AP3S2: variants seen among roughly 807,000 people sequenced by gnomAD.
AP3S2 encodes adaptor related protein complex 3 subunit sigma 2.
Under a neutral mutation model 23.4 loss-of-function variants are expected in AP3S2, and 22 were observed. That is an observed-to-expected ratio of 0.94 (90% CI 0.67 to 1.34). AP3S2 has a LOEUF of 1.34. AP3S2 is among the 40% of genes most tolerant of loss of function. The probability of loss-of-function intolerance (pLI) is 0.00; values close to 1 mark genes in which losing one functional copy is unlikely to be tolerated. For synonymous variants in AP3S2, 86 were observed against 87.1 expected (o/e 0.99, Z 0.07); for missense variants, 241 against 236.9 (o/e 1.02, Z -0.11).
chr15:89,854,364 T>G, intron 4 of AP3S2, among the ~76,000 whole-genome samples: 1 of 29,032 alleles, frequency 3.4e-5, no homozygotes, highest in African/African-American at 1.3e-4. Context: ...GCCCCCCGCC[T>G]GGCCAGCCGC....
At chr15:89,869,286 C>G (rs1896255137) in intron 4 of AP3S2, among the ~76,000 whole-genome samples, 1 of 145,976 alleles carries the variant, frequency 6.9e-6, no homozygotes, top group African/African-American at 2.6e-5. Context: ...ACCCTGTGCT[C>G]TCTGAAACAT....
At chr15:89,892,305 C>G (rs1896838175) in intron 1 of AP3S2, among the ~76,000 whole-genome samples, 1 of 152,092 alleles carries the variant, frequency 6.6e-6, no homozygotes, top group African/African-American at 2.4e-5. Context: ...TGAAAATGAT[C>G]TAAAATTGAT....
chr15:89,849,578 A>G (rs1179205471), intron 4 of AP3S2, among the ~76,000 whole-genome samples: 1 of 152,122 alleles, frequency 6.6e-6, no homozygotes, highest in African/African-American at 2.4e-5. Context: ...TATGTTAGCC[A>G]GGATGGTCTC....
At chr15:89,859,482 T>C (rs1425489756) in intron 4 of AP3S2, among the ~76,000 whole-genome samples, 9 of 137,724 alleles carry the variant, frequency 6.5e-5, no homozygotes, top group African/African-American at 2.1e-4. Flanking sequence ...CAACCTACAC[T>C]TCCCAGGTTC....
At chr15:89,854,091 G>A (rs1422097922) in intron 4 of AP3S2, among the ~76,000 whole-genome samples, 5 of 47,060 alleles carry the variant, frequency 1.1e-4, no homozygotes, top group African/African-American at 3.2e-4. Context: ...CCCCCCGCCC[G>A]GCCAGCCGTG....
chr15:89,875,046 TA>T (rs1596213703), intron 3 of AP3S2, among the ~76,000 whole-genome samples: 1 of 151,978 alleles, frequency 6.6e-6, no homozygotes, highest in Non-Finnish European at 1.5e-5. Context: ...AAAAATAAAT[TA>T]AAAAAGCAAC....
rs541001343 is a variant in AP3S2, at chr15:89,839,848, C to CTT, written c.346-2128_346-2127dup. 1.3e-3 allele frequency among the ~76,000 whole-genome samples: 185 copies of CTT among 144,956 alleles called. 1 individual carries two copies. The highest frequency in any genetic ancestry group is 4.4e-3 in the African/African-American group (176 of 39,754). ...TTCAGCCTTAAAAAGGAAAAGAATT[C>CTT]TTTTTTTTTTTTTCATCTGAATTGA... is the stretch of plus-strand genomic sequence containing the variant. On this transcript the variant is annotated intron_variant, in intron 4 of 5. Coordinates refer to ENST00000336418, the MANE Select transcript of AP3S2 (RefSeq NM_005829.5).
intron 1 of AP3S2, chr15:89,893,156 T>C (rs1356143212): frequency 6.6e-6 from 1 of 152,302 alleles, no homozygotes; most frequent in Non-Finnish European, 1.5e-5. Flanking sequence ...ACACGTTTTC[T>C]GGCTCTTTCC....
intron 3 of AP3S2, chr15:89,876,866 A>G: frequency 5.9e-6 from 1 of 168,560 alleles, no homozygotes. Flanking sequence ...TGTTGGCATC[A>G]GGAATGCCAG....
At chr15:89,883,785 A>C (rs1896628591) in intron 3 of AP3S2, 1 of 152,230 alleles carries the variant, frequency 6.6e-6, no homozygotes, top group Admixed American at 6.5e-5. Flanking sequence ...GATTGCTTCA[A>C]GGAAAGTAAA....
intron 4 of AP3S2, among the ~76,000 whole-genome samples, chr15:89,861,674 G>C (rs1306646580): frequency 6.6e-6 from 1 of 152,104 alleles, no homozygotes; most frequent in African/African-American, 2.4e-5. Context: ...TATGAGACTA[G>C]AGTCCTGGGA....
intron 3 of AP3S2, among the ~76,000 whole-genome samples, chr15:89,874,529 C>T (rs1266915326): frequency 6.6e-6 from 1 of 152,202 alleles, no homozygotes; most frequent in East Asian, 1.9e-4. Context: ...AATCCCAACA[C>T]TTTGGGCAGC....
intron 4 of AP3S2, among the ~76,000 whole-genome samples, chr15:89,853,525 T>C (rs1256782): frequency 1.3e-5 from 2 of 152,164 alleles, no homozygotes; most frequent in African/African-American, 4.8e-5. Context: ...CAATGAGGGC[T>C]GCCACCCCGT....
rs948307056 is a variant in AP3S2, at chr15:89,831,993, A to C, written c.*3522T>G. 1 of 152,158 alleles carries C rather than the reference A, an allele frequency of 6.6e-6. No homozygotes were observed. The highest frequency in any genetic ancestry group is 2.4e-5 in the African/African-American group (1 of 41,418). 9.4% of individuals were successfully genotyped at this position (152,158 alleles called of 1,614,324 possible). A position where few individuals can be genotyped will look rare whatever the true frequency, so the allele number is the denominator to read the frequency against. On this transcript the variant is annotated 3_prime_UTR_variant, in exon 6 of 6. Coordinates refer to ENST00000336418, the MANE Select transcript of AP3S2 (RefSeq NM_005829.5). ...TGCACTATATCCCAACAATCTGAGC[A>C]CTCTGTCAAAGATGCTCACAGAGAC...
chr15:89,880,642 C>T (rs898160074), intron 3 of AP3S2, among the ~76,000 whole-genome samples: 6 of 150,286 alleles, frequency 4.0e-5, no homozygotes, highest in African/African-American at 1.5e-4. Context: ...CCACCGCACT[C>T]CAGCCTGGGC....
intron 4 of AP3S2, among the ~76,000 whole-genome samples, chr15:89,863,467 C>G (rs1358545350): frequency 6.6e-6 from 1 of 151,626 alleles, no homozygotes; most frequent in Non-Finnish European, 1.5e-5. Flanking sequence ...TGGTGTGTGT[C>G]GGGGAGAGAC....
intron 3 of AP3S2, among the ~76,000 whole-genome samples, chr15:89,884,823 T>G (rs1596221091): frequency 6.6e-6 from 1 of 152,110 alleles, no homozygotes; most frequent in African/African-American, 2.4e-5. Flanking sequence ...ATTTTTTTTG[T>G]ATTTTTAGTA....
At chr15:89,849,557 G>T (rs925945412) in intron 4 of AP3S2, among the ~76,000 whole-genome samples, 4 of 151,422 alleles carry the variant, frequency 2.6e-5, no homozygotes, top group South Asian at 2.1e-4. Context: ...TAGTAGAGAC[G>T]GGGGTTTCAC....
intron 4 of AP3S2, among the ~76,000 whole-genome samples, chr15:89,853,210 G>A (rs1895703285): frequency 6.6e-6 from 1 of 152,152 alleles, no homozygotes; most frequent in Non-Finnish European, 1.5e-5. Context: ...TATATCATTA[G>A]GAAGGTGTGT....
Sources: gnomAD v4.1 joint callset for allele counts (sites outside exome capture counted in the v4.1 genomes callset) on GRCh38, gnomAD v4.1.1 for gene constraint, MANE v1.5 for transcripts, NCBI Gene and HGNC (gene_info 2026-07-23, HGNC 2026-07-21) for gene names.